Variants in RPTOR observed in about 807,000 individuals in gnomAD.
RPTOR encodes regulatory-associated protein of mTOR.
RPTOR carries 21 observed loss-of-function variants against 169.9 expected under a neutral mutation model. The observed-to-expected ratio is 0.12, with a 90% CI of 0.09 to 0.18. The LOEUF (loss-of-function observed/expected upper bound fraction) is 0.18, where lower values mean the gene tolerates loss of function less well. Among genes scored for constraint, RPTOR ranks in the 10% least tolerant of loss-of-function variants. The pLI is 1.00. For synonymous variants in RPTOR, 732 were observed against 753.2 expected (o/e 0.97, Z 0.46); for missense variants, 1,133 against 1,855.9 (o/e 0.61, Z 7.16).
chr17:80,784,785 G>A lies in RPTOR; in HGVS notation c.831-6665G>A, dbSNP rs1191873914. On this transcript the variant is annotated intron_variant, in intron 6 of 33. Transcript: ENST00000306801. ...GCAATCTCGGCTCACTGCAACCTCC[G>A]CCTCCCGAGTTCAAGTGATTCTCCT... is the stretch of plus-strand genomic sequence containing the variant. Among the ~76,000 whole-genome samples the A allele has an allele frequency of 3.3e-5, 5 of 151,128 alleles. No homozygotes were observed. The East Asian group carries it at 5.8e-4, about 18-fold the overall frequency.
rs144882022 is a variant in RPTOR, at chr17:80,612,245, T to C, written c.163-13446T>C. On this transcript the variant is annotated intron_variant, in intron 1 of 33. Coordinates refer to ENST00000306801, the MANE Select transcript of RPTOR (RefSeq NM_020761.3). ...CTTGGGCTCGAGTGATCTTCACACCTTACCCTCCCACGTAGCTGGGACTAC... is the reference window on the plus strand; with the variant it reads ...CTTGGGCTCGAGTGATCTTCACACCCTACCCTCCCACGTAGCTGGGACTAC... Among the ~76,000 whole-genome samples the C allele has an allele frequency of 2.8e-3, 419 of 152,326 alleles. 1 individual carries two copies. The highest frequency in any genetic ancestry group is 9.5e-3 in the African/African-American group (394 of 41,578).
intron 3 of RPTOR, among the ~76,000 whole-genome samples, chr17:80,685,200 C>CACCTCATGCGGAGTCGCCCCTCA: frequency 6.6e-6 from 1 of 151,558 alleles, no homozygotes; most frequent in Non-Finnish European, 1.5e-5. Flanking sequence ...TTCAGGGTCG[C>CACCTCATGCGGAGTCGCCCCTCA]TTGTTGCGTT....
intron 17 of RPTOR, among the ~76,000 whole-genome samples, chr17:80,889,645 A>C (rs945614933): frequency 2.6e-5 from 4 of 152,206 alleles, no homozygotes; most frequent in Non-Finnish European, 4.4e-5. Flanking sequence ...GTTCTGCATG[A>C]ATATCCTAAA....
intron 24 of RPTOR, among the ~76,000 whole-genome samples, chr17:80,929,138 A>G (rs901284093): frequency 2.6e-5 from 4 of 152,394 alleles, no homozygotes; most frequent in Admixed American, 6.5e-5. Context: ...ATTTAAAATG[A>G]TGGATCCATG....
At position 80,960,613 on chromosome 17, in the gene RPTOR, C is replaced by T. The variant is rs1380702400; in HGVS notation, c.3605+408C>T. ...GCAGCAAGTGTCTGGGGAGGGATGT[C>T]TGAGGGCACACACGTGGGCACAGCA... On this transcript the variant is annotated intron_variant, in intron 30 of 33. Transcript: ENST00000306801. The surrounding 1 kb of genome is among the most constrained non-coding windows in gnomAD (Gnocchi z 4.8). 6.6e-6 allele frequency among the ~76,000 whole-genome samples: 1 copy of T among 152,240 alleles called. No homozygotes were observed.
chr17:80,774,581 G>A (rs1185665422), intron 6 of RPTOR, among the ~76,000 whole-genome samples: 1 of 152,174 alleles, frequency 6.6e-6, no homozygotes, highest in Non-Finnish European at 1.5e-5. Context: ...ACTATTCCAT[G>A]CTGCCTGCCT....
intron 4 of RPTOR, among the ~76,000 whole-genome samples, chr17:80,728,083 T>C (rs2066355697): frequency 1.3e-5 from 2 of 152,222 alleles, no homozygotes; most frequent in South Asian, 2.1e-4. Context: ...AGATTCTCAT[T>C]GTAATTTGCA....
At chr17:80,864,727 T>C (rs1044576359) in intron 13 of RPTOR, among the ~76,000 whole-genome samples, 1 of 152,216 alleles carries the variant, frequency 6.6e-6, no homozygotes, top group Non-Finnish European at 1.5e-5. Flanking sequence ...ATGAGTACTA[T>C]GTGGATAAAT....
intron 5 of RPTOR, among the ~76,000 whole-genome samples, chr17:80,753,749 G>A (rs552191119): frequency 5.9e-5 from 9 of 151,906 alleles, no homozygotes; most frequent in South Asian, 2.1e-4. Context: ...GAGGAAAACC[G>A]GGAAGAAAAC....
At chr17:80,576,213 C>T (rs11150866) in intron 1 of RPTOR, among the ~76,000 whole-genome samples, 28,782 of 152,170 alleles carry the variant, frequency 0.19, 3,017 homozygotes, top group East Asian at 0.28. Flanking sequence ...GGGCCTAAAT[C>T]TGCCATCTCT....
In RPTOR at chr17:80,915,230, G is replaced by A. The variant is rs1247676025; in HGVS notation, c.2520+6301G>A. Among the ~76,000 whole-genome samples, 3 of 144,366 alleles carry A rather than the reference G, an allele frequency of 2.1e-5. No homozygotes were observed. The Admixed American group carries it at 2.1e-4, about 10-fold the overall frequency. 94.7% of individuals were successfully genotyped at this position (144,366 alleles called of 152,430 possible). A position where few individuals can be genotyped will look rare whatever the true frequency, so the allele number is the denominator to read the frequency against. On this transcript the variant is annotated intron_variant, in intron 21 of 33. Transcript: ENST00000306801. Reference sequence around the variant, plus strand: ...TGCACACTCCAGGGTCTCCTCTGCTGAGAGCTGAGCAGACGTCGGGAAAAC... The same window carrying A: ...TGCACACTCCAGGGTCTCCTCTGCTAAGAGCTGAGCAGACGTCGGGAAAAC...
At chr17:80,618,527 T>G (rs2065330445) in intron 1 of RPTOR, among the ~76,000 whole-genome samples, 1 of 152,204 alleles carries the variant, frequency 6.6e-6, no homozygotes, top group Non-Finnish European at 1.5e-5. Context: ...CACTCACGTG[T>G]GCGAAGGTCG....
chr17:80,704,038 G>T (rs2066123298), intron 3 of RPTOR, among the ~76,000 whole-genome samples: 1 of 152,200 alleles, frequency 6.6e-6, no homozygotes, highest in African/African-American at 2.4e-5. Flanking sequence ...TTTGTTGGGT[G>T]TGGAGAGACA....
chr17:80,642,099 G>A (rs8073414), intron 2 of RPTOR, among the ~76,000 whole-genome samples: 94,435 of 151,970 alleles, frequency 0.62, 29,610 homozygotes, highest in Middle Eastern at 0.71. Flanking sequence ...TGGAAACCTT[G>A]TACCTACCAC....
intron 1 of RPTOR, among the ~76,000 whole-genome samples, chr17:80,601,037 T>C (rs1446626089): frequency 6.6e-6 from 1 of 152,180 alleles, no homozygotes; most frequent in Non-Finnish European, 1.5e-5. Flanking sequence ...AATGGCGCTC[T>C]TGGCTGGTGT....
intron 21 of RPTOR, among the ~76,000 whole-genome samples, chr17:80,913,951 T>C (rs1000566545): frequency 6.6e-6 from 1 of 152,192 alleles, no homozygotes; most frequent in African/African-American, 2.4e-5. Context: ...TATTATAATT[T>C]ATGAGAAAAC....
At chr17:80,842,991 A>G (rs1021906572) in intron 10 of RPTOR, among the ~76,000 whole-genome samples, 2 of 152,190 alleles carry the variant, frequency 1.3e-5, no homozygotes, top group Non-Finnish European at 2.9e-5. Context: ...ACACAGTTGT[A>G]ATGACAAACT....
intron 19 of RPTOR, 31 bp downstream of exon 19, chr17:80,892,900 G>A: frequency 6.2e-7 from 1 of 1,605,578 alleles, no homozygotes; most frequent in Non-Finnish European, 8.5e-7. Flanking sequence ...TTATTGGATT[G>A]GGAGAGATTG....
At chr17:80,757,812 TC>T in intron 6 of RPTOR, among the ~76,000 whole-genome samples, 1 of 152,122 alleles carries the variant, frequency 6.6e-6, no homozygotes, top group Non-Finnish European at 1.5e-5. Flanking sequence ...CTCTGTCCTT[TC>T]CCACGGCCTC....
Sources: allele counts gnomAD v4.1 joint callset (sites outside exome capture counted in the v4.1 genomes callset), GRCh38; gene constraint gnomAD v4.1.1; non-coding constraint Gnocchi (gnomAD v3.1); transcripts MANE v1.5; gene names NCBI Gene and HGNC (gene_info 2026-07-23, HGNC 2026-07-21).